PPP1R9A: variants seen among roughly 807,000 people sequenced by gnomAD.
PPP1R9A encodes neurabin-1.
In PPP1R9A, 59 loss-of-function variants were observed where a neutral mutation model predicts 141.9. The observed-to-expected ratio is 0.42, with a 90% CI of 0.34 to 0.52. PPP1R9A has a LOEUF of 0.52. Among genes scored for constraint, PPP1R9A ranks in the 20% least tolerant of loss-of-function variants. The pLI is 0.10. For synonymous variants in PPP1R9A, 500 were observed against 569.7 expected (o/e 0.88, Z 1.74); for missense variants, 1,444 against 1,611.9 (o/e 0.90, Z 1.78).
chr7:95,092,339 C>T (rs1817466411), intron 2 of PPP1R9A, among the ~76,000 whole-genome samples: 1 of 138,274 alleles, frequency 7.2e-6, no homozygotes, highest in Admixed American at 7.5e-5. Context: ...GTATCTTATA[C>T]TACACGCTTT....
chr7:95,195,642 G>A (rs1376925255), intron 5 of PPP1R9A, among the ~76,000 whole-genome samples: 1 of 151,970 alleles, frequency 6.6e-6, no homozygotes, highest in East Asian at 1.9e-4. Context: ...AAATGAAAAA[G>A]CAAGCCACAG....
At chr7:95,173,769 T>A (rs1475700828) in intron 5 of PPP1R9A, among the ~76,000 whole-genome samples, 1 of 152,080 alleles carries the variant, frequency 6.6e-6, no homozygotes, top group Non-Finnish European at 1.5e-5. Context: ...CATGAAATGC[T>A]GCTTAACATT....
Position 95,293,875 on chromosome 7 carries a change from T to G in PPP1R9A, c.*3572T>G, listed in dbSNP as rs1001277709. ...ATTCATGTTTAAGTGTTAAAGGTTA[T>G]GCAGACTAAACTTCAAGAGGAGATC... On this transcript the variant is annotated 3_prime_UTR_variant, in exon 20 of 20. Coordinates refer to ENST00000433360, the MANE Select transcript of PPP1R9A (RefSeq NM_001166160.2). 14 of 152,256 alleles carry G rather than the reference T, an allele frequency of 9.2e-5. No homozygotes were observed. Among genetic ancestry groups the G allele is most frequent in the African/African-American group, 3.1e-4 (13 of 41,474 alleles). The allele number at this position is 152,256 out of a possible 1,614,324, so 9.4% of individuals were successfully genotyped here. A position where few individuals can be genotyped will look rare whatever the true frequency, so the allele number is the denominator to read the frequency against.
At chr7:95,112,291 A>G (rs545114586) in intron 3 of PPP1R9A, among the ~76,000 whole-genome samples, 1 of 152,328 alleles carries the variant, frequency 6.6e-6, no homozygotes, top group Admixed American at 6.5e-5. Context: ...ACTTACAAGC[A>G]GTCAACAAAC....
chr7:95,168,797 T>C (rs1183368557), intron 5 of PPP1R9A, among the ~76,000 whole-genome samples: 1 of 152,044 alleles, frequency 6.6e-6, no homozygotes, highest in East Asian at 1.9e-4. Flanking sequence ...TCAACATCAG[T>C]AATCATCAGA....
In PPP1R9A at chr7:95,168,516, A is replaced by G. The variant is rs1831611040; in HGVS notation, c.1754+6545A>G. ...TTTATGGCTAAGACCTCAGAAGCAC[A>G]GGCAATGAAAAAAAAAAAGGATAAG... On this transcript the variant is annotated intron_variant, in intron 5 of 19. Transcript: ENST00000433360. 2.9e-5 allele frequency among the ~76,000 whole-genome samples: 3 copies of G among 105,228 alleles called. No individual in the cohort carries two copies. The Admixed American group carries it at 3.0e-4, about 10-fold the overall frequency. The allele number at this position is 105,228 out of a possible 152,430, so 69.0% of individuals were successfully genotyped here. A position where few individuals can be genotyped will look rare whatever the true frequency, so the allele number is the denominator to read the frequency against.
chr7:94,954,583 TAA>T (rs1247169139), intron 2 of PPP1R9A, among the ~76,000 whole-genome samples: 1 of 151,878 alleles, frequency 6.6e-6, no homozygotes, highest in Non-Finnish European at 1.5e-5. Context: ...ATAGATTTCT[TAA>T]AAATTCAGAC....
intron 2 of PPP1R9A, among the ~76,000 whole-genome samples, chr7:95,019,464 A>G (rs967180409): frequency 7.9e-5 from 12 of 152,318 alleles, no homozygotes; most frequent in African/African-American, 2.9e-4. Context: ...GTCACATCAC[A>G]AAAAAGCAAG....
intron 2 of PPP1R9A, among the ~76,000 whole-genome samples, chr7:95,084,082 T>C (rs1237858614): frequency 6.6e-6 from 1 of 152,048 alleles, no homozygotes; most frequent in African/African-American, 2.4e-5. Flanking sequence ...CTTAAAAAAT[T>C]GTTCATACTT....
At chr7:95,258,439 T>A (rs964595945) in intron 12 of PPP1R9A, among the ~76,000 whole-genome samples, 1 of 152,182 alleles carries the variant, frequency 6.6e-6, no homozygotes, top group Non-Finnish European at 1.5e-5. Context: ...ATGAGTAGAT[T>A]GCAAAAATTT....
intron 17 of PPP1R9A, among the ~76,000 whole-genome samples, chr7:95,284,876 A>G (rs1218556522): frequency 6.6e-6 from 1 of 152,242 alleles, no homozygotes; most frequent in African/African-American, 2.4e-5. Context: ...TGAAACACAT[A>G]TGGTGGCTAA....
intron 6 of PPP1R9A, among the ~76,000 whole-genome samples, chr7:95,199,024 A>G (rs990661754): frequency 1.3e-5 from 2 of 152,226 alleles, no homozygotes; most frequent in African/African-American, 2.4e-5. Context: ...ATGCAGAACA[A>G]AGCTTTCCAC....
chr7:95,274,271 G>C, intron 16 of PPP1R9A, 103 bp downstream of exon 16: 1 of 1,069,992 alleles, frequency 9.3e-7, no homozygotes, highest in Non-Finnish European at 1.3e-6. Context: ...TTGAGCTAAA[G>C]TGATATGCCA....
chr7:95,028,034 A>G (rs1048656184), intron 2 of PPP1R9A, among the ~76,000 whole-genome samples: 4 of 152,136 alleles, frequency 2.6e-5, no homozygotes, highest in Non-Finnish European at 4.4e-5. Flanking sequence ...GATAACATAA[A>G]ATTATTTTCA....
intron 4 of PPP1R9A, among the ~76,000 whole-genome samples, chr7:95,129,535 G>A (rs1459767591): frequency 1.3e-5 from 2 of 152,164 alleles, no homozygotes; most frequent in South Asian, 4.1e-4. Flanking sequence ...AGAAAAAGTG[G>A]GGTATTGCTG....
chr7:95,007,837 C>A (rs1327455118), intron 2 of PPP1R9A, among the ~76,000 whole-genome samples: 1 of 151,920 alleles, frequency 6.6e-6, no homozygotes, highest in South Asian at 2.1e-4. Flanking sequence ...TTTGGGAGGC[C>A]GAGGCGGGCG....
intron 2 of PPP1R9A, among the ~76,000 whole-genome samples, chr7:95,014,352 G>A (rs1465682319): frequency 6.6e-6 from 1 of 151,958 alleles, no homozygotes; most frequent in Admixed American, 6.6e-5. Flanking sequence ...GTGTAGGCCA[G>A]TTAATTGATA....
At chr7:95,219,360 C>T (rs1794053092) in intron 7 of PPP1R9A, among the ~76,000 whole-genome samples, 1 of 152,146 alleles carries the variant, frequency 6.6e-6, no homozygotes, top group African/African-American at 2.4e-5. Flanking sequence ...GTGGGTTGCC[C>T]TTTGTGGGTA....
intron 2 of PPP1R9A, among the ~76,000 whole-genome samples, chr7:94,977,786 G>A: frequency 7.1e-6 from 1 of 140,076 alleles, no homozygotes; most frequent in South Asian, 2.3e-4. Flanking sequence ...TTTTTGAAAT[G>A]GAATCTTGCT....
Sources: allele counts gnomAD v4.1 joint callset (sites outside exome capture counted in the v4.1 genomes callset), GRCh38; gene constraint gnomAD v4.1.1; transcripts MANE v1.5; gene names NCBI Gene and HGNC (gene_info 2026-07-23, HGNC 2026-07-21).